Variants in RUFY4 observed in about 807,000 individuals in gnomAD.
The protein encoded by RUFY4 is RUN and FYVE domain-containing protein 4.
RUFY4 carries 73 observed loss-of-function variants against 69.0 expected under a neutral mutation model. The ratio of observed to expected loss-of-function variants is 1.06; its 90% CI spans 0.88 to 1.29. The LOEUF (loss-of-function observed/expected upper bound fraction) is 1.29. RUFY4 is among the 50% of genes most tolerant of loss of function. RUFY4 has a pLI of 0.00. For missense variants in RUFY4, 770 were observed against 705.6 expected (o/e 1.09, Z -1.03); for synonymous variants, 287 against 271.8 (o/e 1.06, Z -0.55).
At chr2:218,044,527 T>G (rs1688781644) in intron 2 of RUFY4, among the ~76,000 whole-genome samples, 1 of 152,168 alleles carries the variant, frequency 6.6e-6, no homozygotes, top group African/African-American at 2.4e-5. Flanking sequence ...CAGATTATTT[T>G]GTCACCCAGA....
chr2:218,052,687 G>T (rs1244453776), intron 2 of RUFY4, among the ~76,000 whole-genome samples: 1 of 151,660 alleles, frequency 6.6e-6, no homozygotes, highest in East Asian at 1.9e-4. Context: ...CTTGAGTCTG[G>T]GAGTTCAAGA....
At chr2:218,052,331 T>A (rs955052655) in intron 2 of RUFY4, among the ~76,000 whole-genome samples, 7 of 152,258 alleles carry the variant, frequency 4.6e-5, no homozygotes, top group South Asian at 2.1e-4. Context: ...AATTGTTCTA[T>A]GTAACCAGAC....
chr2:218,079,960 A>T (rs977647703), intron 8 of RUFY4, among the ~76,000 whole-genome samples: 7 of 152,198 alleles, frequency 4.6e-5, no homozygotes, highest in African/African-American at 1.7e-4. Context: ...GAAAGACAGG[A>T]TAGTCATTCA....
exon 1 of RUFY4, chr2:218,070,622 C>T (rs1689463692): frequency 1.3e-6 from 2 of 1,537,524 alleles, no homozygotes; most frequent in Non-Finnish European, 1.7e-6. Context: ...GAAGAGGGAG[C>T]CATCCTCAAG....
rs1245358419 is a variant in RUFY4 at position 218,072,752 on chromosome 2, C to G, written c.280-27C>G. The G allele has an allele frequency of 4.1e-6, 6 of 1,470,228 alleles. No individual in the cohort carries two copies. In the South Asian group the frequency reaches 8.0e-5, roughly 20 times the overall value. 91.1% of individuals were successfully genotyped at this position (1,470,228 alleles called of 1,614,324 possible). ...GGCGCCCTTTGTCCTAATACTGCTC[C>G]CCATTCTGCCCCTGTGCACTCTGCA... is the stretch of plus-strand genomic sequence containing the variant. On this transcript the variant is annotated intron_variant, in intron 3 of 10. Coordinates refer to ENST00000344321, the Ensembl canonical transcript of RUFY4.
intron 2 of RUFY4, among the ~76,000 whole-genome samples, chr2:218,036,425 G>A (rs1004087760): frequency 4.0e-5 from 6 of 149,954 alleles, no homozygotes; most frequent in African/African-American, 1.5e-4. Flanking sequence ...AGCATCCTAC[G>A]ACTGGGTTAA....
chr2:218,088,859 C>A (rs1244795716), intron 9 of RUFY4, among the ~76,000 whole-genome samples: 2 of 152,036 alleles, frequency 1.3e-5, no homozygotes, highest in Non-Finnish European at 2.9e-5. Flanking sequence ...GTGTCTCTTT[C>A]TCTGTGTGTG....
chr2:218,062,936 G>T (rs1424025097), intron 3 of RUFY4, among the ~76,000 whole-genome samples: 2 of 152,090 alleles, frequency 1.3e-5, no homozygotes, highest in Non-Finnish European at 2.9e-5. Flanking sequence ...TTGCTTGGTG[G>T]CTCTCCAGCC....
intron 4 of RUFY4, 125 bp from the exon 7 acceptor site, chr2:218,073,118 A>T (rs961871206): frequency 1.6e-6 from 2 of 1,283,132 alleles, no homozygotes; most frequent in South Asian, 1.5e-5. Flanking sequence ...CTGCCTGGGG[A>T]ACAGCCTCAT....
At chr2:218,059,473 C>T (rs1479485741) in intron 3 of RUFY4, 1 of 166,906 alleles carries the variant, frequency 6.0e-6, no homozygotes, top group African/African-American at 2.4e-5. Context: ...CTTTCTGTCT[C>T]TGTGAATTTG....
chr2:218,089,784 T>G (rs1689987867), intron 10 of RUFY4, 168 bp from the exon 13 acceptor site: 1 of 712,910 alleles, frequency 1.4e-6, no homozygotes, highest in East Asian at 2.7e-5. Flanking sequence ...AGGACACCCT[T>G]CAGGAGAGGG....
chr2:218,046,972 C>G (rs1480293087), intron 2 of RUFY4, among the ~76,000 whole-genome samples: 1 of 148,470 alleles, frequency 6.7e-6, no homozygotes. Context: ...AATAGGTACA[C>G]AGGTCACTGT....
intron 2 of RUFY4, among the ~76,000 whole-genome samples, chr2:218,043,703 C>T (rs1688756697): frequency 6.6e-6 from 1 of 152,238 alleles, no homozygotes; most frequent in African/African-American, 2.4e-5. Context: ...AAAAGCACCA[C>T]AAGCTCCACC....
At chr2:218,057,826 T>C (rs144548594) in intron 2 of RUFY4, among the ~76,000 whole-genome samples, 138 of 152,352 alleles carry the variant, frequency 9.1e-4, no homozygotes, top group Middle Eastern at 6.8e-3. Context: ...TAGCAGAATG[T>C]TTTTAGCTTT....
chr2:218,063,440 G>T (rs1002669721), intron 3 of RUFY4, among the ~76,000 whole-genome samples: 1 of 152,204 alleles, frequency 6.6e-6, no homozygotes, highest in Non-Finnish European at 1.5e-5. Context: ...TGTAAGATGG[G>T]GCAGCTGCTT....
At chr2:218,060,791 C>G in intron 3 of RUFY4, 1 of 1,580,244 alleles carries the variant, frequency 6.3e-7, no homozygotes, top group South Asian at 1.1e-5. Context: ...GGATCCGTAA[C>G]AGCATCCACC....
At chr2:218,047,578 G>A (rs1160754342) in intron 2 of RUFY4, among the ~76,000 whole-genome samples, 1 of 152,090 alleles carries the variant, frequency 6.6e-6, no homozygotes, top group Non-Finnish European at 1.5e-5. Flanking sequence ...TTTGTGTACA[G>A]TTGTTTTCAT....
At chr2:218,082,013 G>A (rs1056546127) in intron 8 of RUFY4, among the ~76,000 whole-genome samples, 10 of 152,192 alleles carry the variant, frequency 6.6e-5, no homozygotes, top group East Asian at 5.8e-4. Flanking sequence ...GGACTCTCAC[G>A]CATGCCACCT....
At chr2:218,080,371 C>T (rs954991365) in intron 8 of RUFY4, among the ~76,000 whole-genome samples, 1 of 152,194 alleles carries the variant, frequency 6.6e-6, no homozygotes, top group Non-Finnish European at 1.5e-5. Context: ...GACCTGAAGG[C>T]GGCAGGCTTC....
Sources: allele counts gnomAD v4.1 joint callset (sites outside exome capture counted in the v4.1 genomes callset), GRCh38; gene constraint gnomAD v4.1.1; transcripts MANE v1.5; gene names NCBI Gene and HGNC (gene_info 2026-07-23, HGNC 2026-07-21).